The following SH3KBP1 variants were observed in gnomAD, a reference collection of about 807,000 sequenced individuals.
SH3KBP1 encodes SH3 domain containing kinase binding protein 1, also known as SH3 domain-containing kinase-binding protein 1.
A neutral mutation model predicts 50.1 loss-of-function variants in SH3KBP1; 8 were observed. That is an observed-to-expected ratio of 0.16 (90% CI 0.09 to 0.29). SH3KBP1 has a LOEUF of 0.29. Among genes scored for constraint, SH3KBP1 ranks in the 10% least tolerant of loss-of-function variants. The probability of loss-of-function intolerance (pLI) is 1.00; values close to 1 mark genes in which losing one functional copy is unlikely to be tolerated. For missense variants in SH3KBP1, 377 were observed against 535.2 expected (o/e 0.70, Z 2.92); for synonymous variants, 227 against 218.6 (o/e 1.04, Z -0.34).
chrX:19,733,166 T>C (rs767030079), intron 3 of SH3KBP1, among the ~76,000 whole-genome samples: 30 of 111,926 alleles, frequency 2.7e-4, no homozygotes, highest in Non-Finnish European at 4.5e-4. Flanking sequence ...TAAACAAAAA[T>C]GTTAGAAAAA....
chrX:19,861,344 T>C (rs1363041391), intron 1 of SH3KBP1, among the ~76,000 whole-genome samples: 1 of 108,939 alleles, frequency 9.2e-6, no homozygotes, highest in Non-Finnish European at 1.9e-5. Flanking sequence ...GCCACTGCAC[T>C]CCAGCCTGGG....
At chrX:19,793,887 C>T (rs1174607641) in intron 2 of SH3KBP1, among the ~76,000 whole-genome samples, 1 of 111,252 alleles carries the variant, frequency 9.0e-6, no homozygotes, top group Admixed American at 9.5e-5. Context: ...ACCTTTACAT[C>T]TTACTAGCTT....
intron 16 of SH3KBP1, among the ~76,000 whole-genome samples, chrX:19,538,130 T>C (rs2064773193): frequency 8.9e-6 from 1 of 111,776 alleles, no homozygotes; most frequent in Non-Finnish European, 1.9e-5. Flanking sequence ...CCTGTCAGAA[T>C]ATGACAGGTT....
At chrX:19,875,297 A>T (rs2069214001) in intron 1 of SH3KBP1, among the ~76,000 whole-genome samples, 1 of 111,453 alleles carries the variant, frequency 9.0e-6, no homozygotes, top group East Asian at 2.8e-4. Flanking sequence ...AAGGATTAAA[A>T]TAGCCCCATT....
chrX:19,712,576 A>C (rs747900190), intron 3 of SH3KBP1, among the ~76,000 whole-genome samples: 1 of 111,543 alleles, frequency 9.0e-6, no homozygotes, highest in Non-Finnish European at 1.9e-5. Flanking sequence ...GTAATAATTG[A>C]TTCTGGGAAG....
At chrX:19,734,591 T>C (rs986888123) in intron 3 of SH3KBP1, among the ~76,000 whole-genome samples, 1 of 112,025 alleles carries the variant, frequency 8.9e-6, no homozygotes, top group Admixed American at 9.5e-5. Flanking sequence ...AATGGATTTA[T>C]GTATCTGCAG....
At chrX:19,620,336 C>T (rs1283142807) in intron 8 of SH3KBP1, among the ~76,000 whole-genome samples, 1 of 112,055 alleles carries the variant, frequency 8.9e-6, no homozygotes, top group East Asian at 2.8e-4. Flanking sequence ...AGGTCAAGAA[C>T]ATTGAAGCCA....
At chrX:19,856,623 A>G (rs1229316350) in intron 1 of SH3KBP1, among the ~76,000 whole-genome samples, 7 of 111,308 alleles carry the variant, frequency 6.3e-5, no homozygotes, top group Admixed American at 5.7e-4. Context: ...AAGGTCTCTT[A>G]TGGAAAAAAA....
chrX:19,736,906 CT>C (rs147253839), intron 3 of SH3KBP1, among the ~76,000 whole-genome samples: 2,419 of 96,287 alleles, frequency 0.025, 28 homozygotes, highest in African/African-American at 0.05. Flanking sequence ...CCTCTAATTA[CT>C]TTTTTTTTTT....
intron 9 of SH3KBP1, among the ~76,000 whole-genome samples, chrX:19,607,617 GC>G (rs1396078780): frequency 8.9e-6 from 1 of 111,900 alleles, no homozygotes; most frequent in Non-Finnish European, 1.9e-5. Context: ...TGGGATGCTG[GC>G]AGTCCACTTA....
intron 3 of SH3KBP1, among the ~76,000 whole-genome samples, chrX:19,726,163 G>A (rs1370721719): frequency 1.8e-5 from 2 of 111,635 alleles, no homozygotes; most frequent in African/African-American, 6.5e-5. Flanking sequence ...AGCGGGAGTG[G>A]GAGGGGCAAA....
chrX:19,790,700 C>T (rs1428513984), intron 2 of SH3KBP1, among the ~76,000 whole-genome samples: 4 of 110,288 alleles, frequency 3.6e-5, no homozygotes, highest in African/African-American at 1.3e-4. Flanking sequence ...TCAGAAAAGA[C>T]GTCATGGAAG....
chrX:19,790,158 G>A (rs186525500), intron 2 of SH3KBP1, among the ~76,000 whole-genome samples: 35 of 109,983 alleles, frequency 3.2e-4, no homozygotes, highest in African/African-American at 8.9e-4. Flanking sequence ...CCTAAAAAGT[G>A]CCCATCAGAA....
chrX:19,814,951 A>C (rs2067310952), intron 2 of SH3KBP1, among the ~76,000 whole-genome samples: 1 of 111,947 alleles, frequency 8.9e-6, no homozygotes, highest in Non-Finnish European at 1.9e-5. Flanking sequence ...GGACCTGCTC[A>C]AAGCTGGGGG....
chrX:19,549,011 CATTT>C (rs1351289550), intron 14 of SH3KBP1, among the ~76,000 whole-genome samples: 6 of 112,013 alleles, frequency 5.4e-5, no homozygotes, highest in Admixed American at 9.5e-5. Flanking sequence ...CAGTGGCATT[CATTT>C]GAGTGTTGTT....
intron 1 of SH3KBP1, among the ~76,000 whole-genome samples, chrX:19,850,529 C>T (rs1038354478): frequency 8.9e-5 from 10 of 111,818 alleles, no homozygotes; most frequent in South Asian, 3.7e-4. Context: ...GTGTGTTCTA[C>T]ACCAGATCTA....
At position 19,683,953 on chromosome X, in the gene SH3KBP1, G is replaced by A; in HGVS notation, c.596C>T (p.Thr199Ile). The A allele has an allele frequency of 1.7e-6, 2 of 1,211,031 alleles. No homozygotes were observed. Among genetic ancestry groups the A allele is most frequent in the East Asian group, 5.9e-5 (2 of 33,831 alleles). The change falls in exon 6 of 18, where the codon ACA becomes ATA. Residue 199 changes from threonine (T) to isoleucine (I), a missense_variant. This residue lies in a region of SH3KBP1 where 257 missense variants were observed against 374.2 expected (regional missense o/e 0.69). Transcript: ENST00000397821. ...GGGCTGGATTGCTGCAGTTGCCACT[G>A]TCCCGTTGGCACCTTCAGACTTGGT... ...SSTKSEGANG[T>I]VATAAIQPKK...
Position 19,867,436 on chromosome X carries a change from T to C in SH3KBP1, c.4+19871A>G, listed in dbSNP as rs113743361. The stretch of plus-strand genomic sequence containing the variant: ...ATGTCTCACGAACCCCCCTCAAAAA[T>C]AAATAACTCATCCCCAATTGGTGGT... On this transcript the variant is annotated intron_variant, in intron 1 of 17. Coordinates refer to ENST00000397821, the MANE Select transcript of SH3KBP1 (RefSeq NM_031892.3). 2.8e-3 allele frequency among the ~76,000 whole-genome samples: 316 copies of C among 112,164 alleles called. 2 individuals are homozygous for C. Among genetic ancestry groups the C allele is most frequent in the African/African-American group, 9.7e-3 (299 of 30,804 alleles).
chrX:19,873,943 G>A (rs1455013290), intron 1 of SH3KBP1, among the ~76,000 whole-genome samples: 1 of 102,210 alleles, frequency 9.8e-6, no homozygotes, highest in Non-Finnish European at 2.0e-5. Context: ...CAGCTACTCG[G>A]GAGGCTGAGG....
Sources: allele counts gnomAD v4.1 joint callset (sites outside exome capture counted in the v4.1 genomes callset), GRCh38; gene constraint gnomAD v4.1.1; regional missense constraint gnomAD v4.1.1; transcripts MANE v1.5; gene names NCBI Gene and HGNC (gene_info 2026-07-23, HGNC 2026-07-21).